Variants in PKD2 observed in about 807,000 individuals in gnomAD.
The protein encoded by PKD2 is polycystin-2.
PKD2 carries 48 observed loss-of-function variants against 105.9 expected under a neutral mutation model. The ratio of observed to expected loss-of-function variants is 0.45; its 90% CI spans 0.36 to 0.58. The LOEUF is 0.58. PKD2 is among the 20% of genes least tolerant of loss of function. PKD2 has a pLI of 0.00. For synonymous variants in PKD2, 464 were observed against 481.1 expected, an observed-to-expected ratio of 0.96 and a Z score of 0.46; for missense variants, 1,078 against 1,255.3, an observed-to-expected ratio of 0.86 and a Z score of 2.13.
At chr4:88,053,074 G>A (rs554916705) in intron 7 of PKD2, among the ~76,000 whole-genome samples, 16 of 152,212 alleles carry the variant, frequency 1.1e-4, no homozygotes, top group Admixed American at 7.2e-4. Context: ...GCTGCCATTC[G>A]GTCACCAGCA....
intron 10 of PKD2, among the ~76,000 whole-genome samples, chr4:88,064,052 G>A (rs375022869): frequency 9.4e-4 from 143 of 152,290 alleles, no homozygotes; most frequent in African/African-American, 3.3e-3. Flanking sequence ...CTACTCAAGT[G>A]GCTGAGGCAC....
intron 9 of PKD2, among the ~76,000 whole-genome samples, chr4:88,061,289 A>C (rs1416096765): frequency 6.6e-6 from 1 of 152,174 alleles, no homozygotes; most frequent in Non-Finnish European, 1.5e-5. Flanking sequence ...AATAATATTA[A>C]ATAAAATAAT....
chr4:88,016,221 T>C (rs1726554909), intron 1 of PKD2, among the ~76,000 whole-genome samples: 1 of 152,166 alleles, frequency 6.6e-6, no homozygotes, highest in African/African-American at 2.4e-5. Flanking sequence ...GCCTGGGGAC[T>C]GGGGACCCTG....
At chr4:88,039,664 C>CAAA (rs368041376) in intron 4 of PKD2, among the ~76,000 whole-genome samples, 2,247 of 97,386 alleles carry the variant, frequency 0.023, 84 homozygotes, top group Middle Eastern at 0.06. Context: ...GACTCCCCCT[C>CAAA]AAAAAAAAAA....
rs760634326 is a variant in PKD2, at chr4:88,075,664, T to C, written c.2877T>C (p.Gly959=). ...CTACAGAAGGCATGGAAGGTGCAGG[T>C]GGAAATGGGAGTTCTAATGTCCACG... The part of the protein sequence containing the change: ...SQSTEGMEGA[G]GNGSSNVHV Residue 959 remains glycine, a synonymous_variant, in exon 15 of 15, where the codon GGT becomes GGC. Coordinates refer to ENST00000237596, the MANE Select transcript of PKD2 (RefSeq NM_000297.4). 6.2e-7 allele frequency: 1 copy of C among 1,613,810 alleles called. No homozygotes were observed. The highest frequency in any genetic ancestry group is 8.5e-7 in the Non-Finnish European group (1 of 1,179,786).
At position 88,075,940 on chromosome 4, in the gene PKD2, G is replaced by A. The variant is rs1721220741; in HGVS notation, c.*246G>A. The A allele has an allele frequency of 2.0e-6, 1 of 510,646 alleles. No individual in the cohort carries two copies. Among genetic ancestry groups the A allele is most frequent in the Admixed American group, 3.2e-5 (1 of 31,066 alleles). The allele number at this position is 510,646 out of a possible 1,614,324, so 31.6% of individuals were successfully genotyped here. A position where few individuals can be genotyped will look rare whatever the true frequency, so the allele number is the denominator to read the frequency against. On this transcript the variant is annotated 3_prime_UTR_variant, in exon 15 of 15. Transcript: ENST00000237596. Reference sequence around the variant, plus strand: ...AGTACAGAAAAAAAATCTTCATGATGTGTATTGAGCGGTACGCCCAGTTGC... The same window carrying A: ...AGTACAGAAAAAAAATCTTCATGATATGTATTGAGCGGTACGCCCAGTTGC...
rs1720120832 is a variant in PKD2 at position 88,051,986 on chromosome 4, T to C, written c.1549-5T>C. The C allele has an allele frequency of 9.7e-6, 15 of 1,541,068 alleles. No individual in the cohort carries two copies. The East Asian group carries it at 3.4e-4, about 35-fold the overall frequency. ...GTAATAAAATATAAATATTTTGCTT[T>C]TCAGCTGTCAGTGGTAGCTATAGGA... is the stretch of plus-strand genomic sequence containing the variant. On this transcript the variant is annotated splice_polypyrimidine_tract_variant and splice_region_variant and intron_variant, in intron 6 of 14. Transcript: ENST00000237596.
intron 13 of PKD2, among the ~76,000 whole-genome samples, chr4:88,073,590 A>G (rs1721120280): frequency 6.6e-6 from 1 of 151,322 alleles, no homozygotes; most frequent in South Asian, 2.1e-4. Context: ...TCCCTGGGAG[A>G]TACTGTAGCC....
chr4:88,016,147 C>T (rs562027960), intron 1 of PKD2, among the ~76,000 whole-genome samples: 2 of 152,294 alleles, frequency 1.3e-5, no homozygotes, highest in African/African-American at 4.8e-5. Context: ...GCTCACTTGC[C>T]TGCGGCTCAC....
At chr4:88,024,457 GAAAAAAAAA>G (rs552942631) in intron 2 of PKD2, among the ~76,000 whole-genome samples, 17 of 50,392 alleles carry the variant, frequency 3.4e-4, no homozygotes, top group South Asian at 2.9e-3. Context: ...ACTCTGTCTC[GAAAAAAAAA>G]AAAAAAAAAA....
intron 1 of PKD2, among the ~76,000 whole-genome samples, chr4:88,018,602 G>C (rs977627013): frequency 2.0e-5 from 3 of 152,318 alleles, no homozygotes; most frequent in African/African-American, 7.2e-5. Flanking sequence ...TTACCACACT[G>C]TTCATTAACG....
At chr4:88,030,799 C>T (rs994006794) in intron 2 of PKD2, among the ~76,000 whole-genome samples, 4 of 152,226 alleles carry the variant, frequency 2.6e-5, no homozygotes, top group African/African-American at 7.2e-5. Flanking sequence ...CCTCTCAGTG[C>T]CGACACCTGG....
intron 11 of PKD2, 119 bp from the exon 12 acceptor site, chr4:88,065,641 AAG>A: frequency 8.4e-7 from 1 of 1,184,578 alleles, no homozygotes; most frequent in East Asian, 2.3e-5. Context: ...AACATGTTAT[AAG>A]AGGAAAACTT....
rs1364017901 is a variant in PKD2, at chr4:88,007,680, G to A, written c.-54G>A. The A allele has an allele frequency of 4.5e-6, 5 of 1,101,038 alleles. No individual in the cohort carries two copies. The highest frequency in any genetic ancestry group is 3.2e-5 in the South Asian group (1 of 31,072). 68.2% of individuals were successfully genotyped at this position (1,101,038 alleles called of 1,614,324 possible). ...AAGAAAGGAACATGGCTCCTGAGGC[G>A]CACAGCGCCGAGCGCGGCGCCGCGC... is the stretch of plus-strand genomic sequence containing the variant. On this transcript the variant is annotated 5_prime_UTR_variant, in exon 1 of 15. Coordinates refer to ENST00000237596, the MANE Select transcript of PKD2 (RefSeq NM_000297.4).
chr4:88,052,086 T>A lies in PKD2; in HGVS notation c.1644T>A (p.Phe548Leu), dbSNP rs1560617399. Residue 548 changes from phenylalanine (F) to leucine (L), a missense_variant, in exon 7 of 15, where the codon TTT (phenylalanine) becomes TTA (leucine). Around this residue, in one of 2 missense-constraint regions of PKD2, gnomAD observed 868 missense variants for 1,067.3 expected, o/e 0.81. Transcript: ENST00000237596. ...AAGATCAAAATACTTTCCCCAACTT[T>A]GAGCATCTGGCATATTGGCAGATAC... Reference protein sequence around the residue: ...FLEDQNTFPNFEHLAYWQIQF... With the variant: ...FLEDQNTFPNLEHLAYWQIQF... The A allele has an allele frequency of 6.2e-7, 1 of 1,607,640 alleles. No homozygotes were observed. The highest frequency in any genetic ancestry group is 2.2e-5 in the East Asian group (1 of 44,812).
rs544900625 is a variant in PKD2, at chr4:88,020,817, G to A, written c.709+1246G>A. Among the ~76,000 whole-genome samples the A allele has an allele frequency of 1.4e-4, 21 of 151,590 alleles. No individual in the cohort carries two copies. In the East Asian group the frequency reaches 4.1e-3, roughly 29 times the overall value. ...TGATCCTCCCACCTCAGTCACCCACGTAGCTGGGACTACAGCTGCACACCA... is the reference window on the plus strand; with the variant it reads ...TGATCCTCCCACCTCAGTCACCCACATAGCTGGGACTACAGCTGCACACCA... On this transcript the variant is annotated intron_variant, in intron 2 of 14. Transcript: ENST00000237596.
At chr4:88,065,660 A>G in intron 11 of PKD2, 102 bp from the exon 12 acceptor site, 1 of 1,168,122 alleles carries the variant, frequency 8.6e-7, no homozygotes, top group Non-Finnish European at 1.3e-6. Flanking sequence ...ACTTGCCCCC[A>G]TTTGGTGATT....
chr4:88,022,789 A>G lies in PKD2; in HGVS notation c.709+3218A>G, dbSNP rs11934911. Reference sequence around the variant, plus strand: ...ATACCTGAGACTGGGTAATTTATAAAAAAAGAGGTTTGGCCAGGCACTGTG... The same window carrying G: ...ATACCTGAGACTGGGTAATTTATAAGAAAAGAGGTTTGGCCAGGCACTGTG... On this transcript the variant is annotated intron_variant, in intron 2 of 14. Transcript: ENST00000237596. Among the ~76,000 whole-genome samples the G allele has an allele frequency of 2.4e-3, 372 of 152,320 alleles. 3 individuals are homozygous for G. The highest frequency in any genetic ancestry group is 8.6e-3 in the African/African-American group (357 of 41,572).
At position 88,036,353 on chromosome 4, in the gene PKD2, G is replaced by T. The variant is rs1727333486; in HGVS notation, c.843G>T (p.Lys281Asn). ...KTLSSMEDFW[K>N]FTEGSLLDGL... ...TGTCTTCCATGGAAGACTTCTGGAA[G>T]GTATTTGCAAATAACTTTGAAAGTA... is the stretch of plus-strand genomic sequence containing the variant. The change falls in exon 3 of 15, where the codon AAG becomes AAT. Residue 281 changes from lysine (K) to asparagine (N), a missense_variant and splice_region_variant. By Grantham distance (94) the Lys-to-Asn change is moderately conservative (BLOSUM62 0). Around this residue, in one of 2 missense-constraint regions of PKD2, gnomAD observed 868 missense variants for 1,067.3 expected, o/e 0.81. Transcript: ENST00000237596. 6.2e-7 allele frequency: 1 copy of T among 1,612,812 alleles called. No individual in the cohort carries two copies. The highest frequency in any genetic ancestry group is 1.7e-5 in the Admixed American group (1 of 59,984).
Sources: gnomAD v4.1 joint callset for allele counts (sites outside exome capture counted in the v4.1 genomes callset) on GRCh38, gnomAD v4.1.1 for gene constraint, gnomAD v4.1.1 regional missense constraint, MANE v1.5 for transcripts, NCBI Gene and HGNC (gene_info 2026-07-23, HGNC 2026-07-21) for gene names.